Variants in TPRX1 observed in about 807,000 individuals in gnomAD.
TPRX1 encodes the protein tetra-peptide repeat homeobox protein 1.
Under a neutral mutation model 8.1 loss-of-function variants are expected in TPRX1, and 2 were observed. The ratio of observed to expected loss-of-function variants is 0.25; its 90% CI spans 0.10 to 0.78. TPRX1 has a LOEUF of 0.78. Among genes scored for constraint, TPRX1 ranks in the 30% least tolerant of loss-of-function variants. The probability of loss-of-function intolerance (pLI) is 0.70; values close to 1 mark genes in which losing one functional copy is unlikely to be tolerated. For missense variants in TPRX1, 517 were observed against 586.9 expected, an observed-to-expected ratio of 0.88 and a Z score of 1.23; for synonymous variants, 257 against 254.1, an observed-to-expected ratio of 1.01 and a Z score of -0.11.
chr19:47,802,877 G>C, exon 4 of TPRX1: 11 of 1,590,902 alleles, frequency 6.9e-6, no homozygotes, highest in Non-Finnish European at 9.4e-6. Context: ...AGGGACTAGG[G>C]GCGCAGCGCG....
In TPRX1 at chr19:47,816,214, G is replaced by A. The variant is rs890678547; in HGVS notation, c.151+2254C>T. Among the ~76,000 whole-genome samples the A allele has an allele frequency of 2.8e-4, 42 of 151,536 alleles. No individual in the cohort carries two copies. In the South Asian group the frequency reaches 4.4e-3, roughly 16 times the overall value. ...CTCCTGAGTAGCTGGGATTATAGGC[G>A]CACACCACCATACAGCTAATTTTTT... is the stretch of plus-strand genomic sequence containing the variant. On this transcript the variant is annotated intron_variant, in intron 2 of 3. Transcript: ENST00000535759.
chr19:47,810,254 C>CAAA (rs767070353), intron 2 of TPRX1, among the ~76,000 whole-genome samples: 8 of 21,392 alleles, frequency 3.7e-4, no homozygotes, highest in Non-Finnish European at 5.8e-4. Flanking sequence ...GACTCCATCT[C>CAAA]AAAAAAAAAA....
chr19:47,802,945 C>T (rs908349363), exon 4 of TPRX1: 1 of 1,553,842 alleles, frequency 6.4e-7, no homozygotes, highest in East Asian at 2.3e-5. Flanking sequence ...GCCGCCGCTC[C>T]CGAGCTAGTT....
chr19:47,818,841 C>G (rs1967875356), intron 1 of TPRX1: 1 of 298,102 alleles, frequency 3.4e-6, no homozygotes. Context: ...TTTGCTGCAC[C>G]CATTAACTCA....
intron 2 of TPRX1, among the ~76,000 whole-genome samples, chr19:47,815,754 G>A (rs1235697755): frequency 6.6e-6 from 1 of 151,112 alleles, no homozygotes; most frequent in Non-Finnish European, 1.5e-5. Flanking sequence ...TGAGGCTTCA[G>A]TCAGCCGAGA....
At chr19:47,809,439 C>T (rs1967763036) in intron 2 of TPRX1, among the ~76,000 whole-genome samples, 1 of 151,928 alleles carries the variant, frequency 6.6e-6, no homozygotes, top group African/African-American at 2.4e-5. Context: ...TGTGCCACCA[C>T]ATCTGGCTAA....
intron 3 of TPRX1, among the ~76,000 whole-genome samples, chr19:47,803,222 G>A (rs1274396822): frequency 6.6e-6 from 1 of 151,928 alleles, no homozygotes; most frequent in Non-Finnish European, 1.5e-5. Context: ...GGTGCCCGGG[G>A]GGCCAGGGAG....
chr19:47,813,806 C>T (rs1305139141), intron 2 of TPRX1, among the ~76,000 whole-genome samples: 1 of 151,920 alleles, frequency 6.6e-6, no homozygotes, highest in Admixed American at 6.6e-5. Context: ...CTGGCCTGGC[C>T]TAAGAGGATT....
chr19:47,815,761 G>A lies in TPRX1; in HGVS notation c.151+2707C>T, dbSNP rs895160068. Among the ~76,000 whole-genome samples, 6 of 151,002 alleles carry A rather than the reference G, an allele frequency of 4.0e-5. No homozygotes were observed. The South Asian group carries it at 1.1e-3, about 27-fold the overall frequency. ...CAGGAGGTTGAGGCTTCAGTCAGCC[G>A]AGATCACGTCACTGCACTTCAGCCT... On this transcript the variant is annotated intron_variant, in intron 2 of 3. Coordinates refer to ENST00000535759, the Ensembl canonical transcript of TPRX1.
intron 2 of TPRX1, among the ~76,000 whole-genome samples, chr19:47,804,061 T>C (rs1967711202): frequency 2.7e-5 from 4 of 149,398 alleles, no homozygotes; most frequent in African/African-American, 9.8e-5. Context: ...TTTCTTTCCT[T>C]CTTTCTTTTT....
chr19:47,808,545 T>C (rs1309768796), intron 2 of TPRX1, among the ~76,000 whole-genome samples: 1 of 152,066 alleles, frequency 6.6e-6, no homozygotes, highest in East Asian at 1.9e-4. Flanking sequence ...GTTCAAGTGA[T>C]TCTCCTGCCT....
At chr19:47,815,163 T>TATATA (rs201060804) in intron 2 of TPRX1, among the ~76,000 whole-genome samples, 7 of 86,284 alleles carry the variant, frequency 8.1e-5, no homozygotes, top group South Asian at 3.7e-4. Flanking sequence ...TATATATATA[T>TATATA]TTTTTTTTTT....
Position 47,804,704 on chromosome 19 carries a change from T to C in TPRX1, c.152-1031A>G, listed in dbSNP as rs568553493. Among the ~76,000 whole-genome samples, 907 of 144,304 alleles carry C rather than the reference T, an allele frequency of 6.3e-3. 9 individuals are homozygous for C. The highest frequency in any genetic ancestry group is 0.017 in the African/African-American group (693 of 39,850). 94.7% of individuals were successfully genotyped at this position (144,304 alleles called of 152,430 possible). A position where few individuals can be genotyped will look rare whatever the true frequency, so the allele number is the denominator to read the frequency against. ...GAGGAGTTGAATGATGGATTAATCC[T>C]TCATCACTGATCAGGTACTGCCTGC... On this transcript the variant is annotated intron_variant, in intron 2 of 3. Coordinates refer to ENST00000535759, the Ensembl canonical transcript of TPRX1.
intron 2 of TPRX1, among the ~76,000 whole-genome samples, chr19:47,811,419 G>C (rs1253350309): frequency 6.6e-6 from 1 of 151,890 alleles, no homozygotes; most frequent in Non-Finnish European, 1.5e-5. Flanking sequence ...AGTGTGAGCA[G>C]AGCCTTGTGG....
At chr19:47,802,726 G>A (rs1422491895) in exon 4 of TPRX1, 1 of 1,597,366 alleles carries the variant, frequency 6.3e-7, no homozygotes, top group Non-Finnish European at 8.5e-7. Context: ...TCGGGCCAGG[G>A]CCTGGACTCA....
chr19:47,802,825 G>C (rs1056931791), exon 4 of TPRX1: 1 of 1,601,270 alleles, frequency 6.2e-7, no homozygotes, highest in Non-Finnish European at 8.5e-7. Flanking sequence ...CCGCTGGAAG[G>C]ATTCCCGAGG....
At chr19:47,815,114 T>TTTTATATATATATATATA (rs1555799970) in intron 2 of TPRX1, among the ~76,000 whole-genome samples, 1 of 63,390 alleles carries the variant, frequency 1.6e-5, no homozygotes, top group Non-Finnish European at 2.7e-5. Flanking sequence ...AATAGATAAA[T>TTTTATATATATATATATA]TATATATATA....
intron 2 of TPRX1, among the ~76,000 whole-genome samples, chr19:47,813,242 G>A (rs1383479953): frequency 6.0e-5 from 9 of 150,288 alleles, no homozygotes; most frequent in Non-Finnish European, 8.9e-5. Flanking sequence ...TGGGAGGATC[G>A]CTGGAGTCTG....
intron 2 of TPRX1, chr19:47,818,377 C>CCCATCCAACCCTCCAT: frequency 3.0e-6 from 1 of 336,790 alleles, no homozygotes; most frequent in South Asian, 1.9e-5. Context: ...TCATCCATCA[C>CCCATCCAACCCTCCAT]CCATCCATCC....
Sources: allele counts gnomAD v4.1 joint callset (sites outside exome capture counted in the v4.1 genomes callset), GRCh38; gene constraint gnomAD v4.1.1; transcripts MANE v1.5; gene names NCBI Gene and HGNC (gene_info 2026-07-23, HGNC 2026-07-21).